The following PDE7B variants were observed in gnomAD, a reference collection of about 807,000 sequenced individuals.
PDE7B encodes the protein phosphodiesterase 7B, also known as 3',5'-cyclic-AMP phosphodiesterase 7B.
Under a neutral mutation model 56.2 loss-of-function variants are expected in PDE7B, and 29 were observed. The observed-to-expected ratio is 0.52, with a 90% CI of 0.38 to 0.70. The LOEUF (loss-of-function observed/expected upper bound fraction) is 0.70. Among genes scored for constraint, PDE7B ranks in the 30% least tolerant of loss-of-function variants. The pLI is 0.00. For synonymous variants in PDE7B, 197 were observed against 196.9 expected (o/e 1.00, Z 0.00); for missense variants, 490 against 565.0 (o/e 0.87, Z 1.35).
chr6:136,173,141 T>G (rs1015520563), intron 8 of PDE7B, among the ~76,000 whole-genome samples: 1 of 152,118 alleles, frequency 6.6e-6, no homozygotes, highest in Non-Finnish European at 1.5e-5. Context: ...TTCACAGAAT[T>G]GGAAAAAACT....
At chr6:135,906,829 T>TTTTGTTTTTTTTTTTTTTTTG (rs1185021608) in intron 1 of PDE7B, among the ~76,000 whole-genome samples, 1 of 142,602 alleles carries the variant, frequency 7.0e-6, no homozygotes, top group African/African-American at 2.8e-5. Flanking sequence ...TTTTTTTTTT[T>TTTTGTTTTTTTTTTTTTTTTG]TTTTTTTAAT....
chr6:135,928,483 T>TTATATATATATATTTATATATATA (rs1187835633), intron 1 of PDE7B, among the ~76,000 whole-genome samples: 2 of 96,866 alleles, frequency 2.1e-5, no homozygotes, highest in Non-Finnish European at 2.1e-5. Flanking sequence ...ATATATATAT[T>TTATATATATATATTTATATATATA]TATTTATATA....
intron 9 of PDE7B, among the ~76,000 whole-genome samples, chr6:136,175,242 T>A (rs1778958285): frequency 6.6e-6 from 1 of 152,244 alleles, no homozygotes; most frequent in African/African-American, 2.4e-5. Flanking sequence ...TATACAATAA[T>A]ATATGTGAAA....
intron 2 of PDE7B, among the ~76,000 whole-genome samples, chr6:136,017,121 A>G (rs920325364): frequency 2.0e-5 from 3 of 152,244 alleles, no homozygotes; most frequent in African/African-American, 7.2e-5. Context: ...CTTGAAGTAC[A>G]GTAATTGATA....
intron 10 of PDE7B, among the ~76,000 whole-genome samples, chr6:136,180,900 C>T (rs1175066029): frequency 6.6e-6 from 1 of 152,204 alleles, no homozygotes; most frequent in African/African-American, 2.4e-5. Flanking sequence ...ACCATGCAAC[C>T]TCCCTGCATG....
chr6:135,973,336 A>AT (rs1438752242), intron 2 of PDE7B, among the ~76,000 whole-genome samples: 3 of 152,058 alleles, frequency 2.0e-5, no homozygotes, highest in Non-Finnish European at 4.4e-5. Context: ...ATAGTATTCC[A>AT]TTGTATGCGT....
intron 12 of PDE7B, 84 bp from the exon 13 acceptor site, chr6:136,191,530 G>C: frequency 8.7e-7 from 1 of 1,153,546 alleles, no homozygotes; most frequent in Non-Finnish European, 1.3e-6. Flanking sequence ...AGCCGGGCGT[G>C]GTGGGTCCCC....
intron 8 of PDE7B, among the ~76,000 whole-genome samples, chr6:136,162,704 A>T (rs147297753): frequency 6.3e-4 from 96 of 152,326 alleles, no homozygotes; most frequent in African/African-American, 2.3e-3. Context: ...GGAGCCTGTA[A>T]AATAAAAGCA....
chr6:136,102,678 T>A (rs1777583227), intron 2 of PDE7B, among the ~76,000 whole-genome samples: 1 of 152,218 alleles, frequency 6.6e-6, no homozygotes, highest in Non-Finnish European at 1.5e-5. Context: ...TCTTTTTTTA[T>A]GAGACTCCTA....
At chr6:135,900,092 C>T (rs1025911906) in intron 1 of PDE7B, among the ~76,000 whole-genome samples, 3 of 151,852 alleles carry the variant, frequency 2.0e-5, no homozygotes. Flanking sequence ...AACTTTTCCC[C>T]CGTGTGTTCT....
intron 2 of PDE7B, among the ~76,000 whole-genome samples, chr6:136,047,639 A>G (rs1487762443): frequency 6.6e-6 from 1 of 152,246 alleles, no homozygotes; most frequent in Middle Eastern, 3.2e-3. Flanking sequence ...AATGTTACAT[A>G]CAAATACTGA....
At chr6:135,941,557 G>A (rs1376355138) in intron 1 of PDE7B, among the ~76,000 whole-genome samples, 4 of 152,184 alleles carry the variant, frequency 2.6e-5, no homozygotes, top group African/African-American at 9.7e-5. Flanking sequence ...CCAGCTTGGT[G>A]AGTCAATTTC....
chr6:136,002,606 G>A (rs1303613746), intron 2 of PDE7B, among the ~76,000 whole-genome samples: 1 of 152,106 alleles, frequency 6.6e-6, no homozygotes, highest in Non-Finnish European at 1.5e-5. Context: ...GACAAAGAAG[G>A]CCATTACATA....
chr6:135,860,753 T>C (rs17065024), intron 1 of PDE7B, among the ~76,000 whole-genome samples: 2,802 of 152,148 alleles, frequency 0.018, 59 homozygotes, highest in African/African-American at 0.05. Flanking sequence ...CTGGTATTAT[T>C]TGCTTTCAAG....
At chr6:136,169,519 T>A (rs1431116953) in intron 8 of PDE7B, among the ~76,000 whole-genome samples, 1 of 152,200 alleles carries the variant, frequency 6.6e-6, no homozygotes, top group Non-Finnish European at 1.5e-5. Flanking sequence ...TACATCACCA[T>A]GCTTAAGGCC....
chr6:135,907,512 G>A (rs1355085461), intron 1 of PDE7B, among the ~76,000 whole-genome samples: 1 of 151,942 alleles, frequency 6.6e-6, no homozygotes, highest in Non-Finnish European at 1.5e-5. Flanking sequence ...GTTATCAGAG[G>A]AGAATTAGTC....
chr6:136,111,702 A>T (rs1353890543), intron 3 of PDE7B, among the ~76,000 whole-genome samples: 3 of 152,210 alleles, frequency 2.0e-5, no homozygotes, highest in Non-Finnish European at 2.9e-5. Flanking sequence ...TGTGTGCTTT[A>T]TGCCTAAAGG....
chr6:136,016,202 T>G (rs771828777), intron 2 of PDE7B, among the ~76,000 whole-genome samples: 1 of 152,184 alleles, frequency 6.6e-6, no homozygotes, highest in Non-Finnish European at 1.5e-5. Flanking sequence ...ATCTGTGCAA[T>G]AAGGATAATA....
intron 2 of PDE7B, among the ~76,000 whole-genome samples, chr6:136,073,757 C>T (rs1013020): frequency 0.45 from 68,086 of 152,018 alleles, 15,638 homozygotes; most frequent in African/African-American, 0.55. Flanking sequence ...TACAGCCACA[C>T]ATAGTAAAAA....
Sources: gnomAD v4.1 joint callset for allele counts (sites outside exome capture counted in the v4.1 genomes callset) on GRCh38, gnomAD v4.1.1 for gene constraint, MANE v1.5 for transcripts, NCBI Gene and HGNC (gene_info 2026-07-23, HGNC 2026-07-21) for gene names.